Variants in BRF1 observed in about 807,000 individuals in gnomAD.
BRF1 encodes the protein BRF1 general transcription factor IIIB subunit, also known as transcription factor IIIB 90 kDa subunit.
A neutral mutation model predicts 81.7 loss-of-function variants in BRF1; 59 were observed. The observed-to-expected ratio is 0.72, with a 90% confidence interval of 0.59 to 0.90. The LOEUF is 0.90. Among genes scored for constraint, BRF1 ranks in the 40% least tolerant of loss-of-function variants. The probability of loss-of-function intolerance (pLI) is 0.00; values close to 1 mark genes in which losing one functional copy is unlikely to be tolerated. For missense variants in BRF1, 1,050 were observed against 936.3 expected, an observed-to-expected ratio of 1.12 and a Z score of -1.58; for synonymous variants, 491 against 395.6, an observed-to-expected ratio of 1.24 and a Z score of -2.86.
chr14:105,214,641 G>A (rs1469841922), intron 15 of BRF1, among the ~76,000 whole-genome samples: 1 of 152,060 alleles, frequency 6.6e-6, no homozygotes, highest in Non-Finnish European at 1.5e-5. Flanking sequence ...AGGGAGATGG[G>A]CTAGGCAGCC....
chr14:105,292,805 G>A (rs4270098), intron 1 of BRF1, among the ~76,000 whole-genome samples: 5,431 of 151,786 alleles, frequency 0.036, 179 homozygotes, highest in African/African-American at 0.086. Flanking sequence ...CCCCTTCCCA[G>A]GCACAGACCC....
Position 105,226,287 on chromosome 14 carries a change from C to T in BRF1, c.919G>A (p.Glu307Lys). Residue 307 changes from glutamate (E) to lysine (K), a missense_variant, in exon 9 of 18, where the codon GAA (glutamate) becomes AAA (lysine). Transcript: ENST00000547530. The stretch of plus-strand genomic sequence containing the variant: ...TCCAGTTTTTTTGACAGGACTTGTT[C>T]AAGCTGAAAGGGAACAGGGCAAGAG... ...GQRKLRMKQL[E>K]QVLSKKLEEV... 6.2e-7 allele frequency: 1 copy of T among 1,614,046 alleles called. No homozygotes were observed. The highest frequency in any genetic ancestry group is 1.3e-5 in the African/African-American group (1 of 75,064).
chr14:105,299,601 G>A (rs2057897020), intron 1 of BRF1, among the ~76,000 whole-genome samples: 1 of 152,022 alleles, frequency 6.6e-6, no homozygotes, highest in African/African-American at 2.4e-5. Context: ...TAAGACTTGA[G>A]CACACATTTC....
At chr14:105,241,149 A>G (rs1332763359) in intron 6 of BRF1, 116 bp downstream of exon 6, 1 of 1,486,712 alleles carries the variant, frequency 6.7e-7, no homozygotes, top group Non-Finnish European at 9.0e-7. Context: ...GGGAGGCTGG[A>G]GGCAGCTCTC....
At chr14:105,256,633 G>A in intron 3 of BRF1, 84 bp from the exon 4 acceptor site, 1 of 1,561,752 alleles carries the variant, frequency 6.4e-7, no homozygotes, top group Non-Finnish European at 8.7e-7. Flanking sequence ...CCGCAGGACT[G>A]CACCTGCAGG....
intron 3 of BRF1, among the ~76,000 whole-genome samples, chr14:105,267,545 C>G (rs1351735836): frequency 6.6e-6 from 1 of 152,068 alleles, no homozygotes; most frequent in East Asian, 1.9e-4. Flanking sequence ...CTCCTGGACT[C>G]AAGCAATCCT....
intron 2 of BRF1, among the ~76,000 whole-genome samples, chr14:105,280,597 T>A (rs1353677089): frequency 6.6e-6 from 1 of 151,824 alleles, no homozygotes; most frequent in Non-Finnish European, 1.5e-5. Context: ...GGAGGCTGCA[T>A]GATCCTGAGC....
rs587673251 is a variant in BRF1, at chr14:105,284,074, G to C, written c.265+2222C>G. ...ATGCACACTCTCGGTGGCAGACACA[G>C]AGAACCAGCCAGTGGAGAGGAAGAG... On this transcript the variant is annotated intron_variant, in intron 2 of 17. Transcript: ENST00000547530. This position sits in a 1 kb window ranked among gnomAD's most constrained non-coding sequence, Gnocchi z 4.0. 2.2e-4 allele frequency among the ~76,000 whole-genome samples: 34 copies of C among 151,492 alleles called. No individual in the cohort carries two copies. The highest frequency in any genetic ancestry group is 8.2e-4 in the African/African-American group (34 of 41,276).
intron 5 of BRF1, chr14:105,241,925 C>G (rs949172706): frequency 5.5e-6 from 1 of 181,882 alleles, no homozygotes; most frequent in African/African-American, 2.3e-5. Flanking sequence ...TGGCGCTGTG[C>G]ACCTCTGCCA....
chr14:105,255,180 G>T (rs993446998), intron 4 of BRF1, among the ~76,000 whole-genome samples: 3 of 152,252 alleles, frequency 2.0e-5, no homozygotes, highest in African/African-American at 7.2e-5. Context: ...CGGAGCAGCT[G>T]CCCTGGCCCT....
At chr14:105,313,758 C>G (rs888625214) in intron 1 of BRF1, among the ~76,000 whole-genome samples, 1 of 152,252 alleles carries the variant, frequency 6.6e-6, no homozygotes, top group Admixed American at 6.5e-5. Flanking sequence ...AACTGTGAAA[C>G]AAGGAAACAG....
chr14:105,248,682 G>A (rs1014616687), intron 5 of BRF1: 246 of 981,978 alleles, frequency 2.5e-4, no homozygotes, highest in Non-Finnish European at 2.6e-4. Flanking sequence ...GCGGGTGGCA[G>A]CCCCGCGGGT....
intron 1 of BRF1, among the ~76,000 whole-genome samples, chr14:105,312,807 A>C (rs974100552): frequency 1.3e-5 from 2 of 152,188 alleles, no homozygotes; most frequent in Non-Finnish European, 2.9e-5. Flanking sequence ...AAACAAACAT[A>C]AACGTGGTCG....
intron 5 of BRF1, among the ~76,000 whole-genome samples, chr14:105,244,878 G>T (rs926741884): frequency 6.6e-6 from 1 of 151,264 alleles, no homozygotes; most frequent in African/African-American, 2.4e-5. Flanking sequence ...GACCAGGTAT[G>T]ATAGAACAAA....
intron 3 of BRF1, among the ~76,000 whole-genome samples, chr14:105,264,011 G>A (rs755947510): frequency 1.1e-4 from 17 of 151,656 alleles, no homozygotes; most frequent in East Asian, 1.9e-4. Context: ...ATATTCCAGC[G>A]ATTCAATGAA....
At chr14:105,248,920 C>A in intron 5 of BRF1, 1 of 986,736 alleles carries the variant, frequency 1.0e-6, no homozygotes, top group South Asian at 4.5e-5. Context: ...GCGGACCTAG[C>A]CAACAGCAAC....
At position 105,226,243 on chromosome 14, in the gene BRF1, T is replaced by C; in HGVS notation, c.955+8A>G. On this transcript the variant is annotated splice_region_variant and intron_variant, in intron 9 of 17. Coordinates refer to ENST00000547530, the MANE Select transcript of BRF1 (RefSeq NM_001519.4). ...CAGAAGCATTACATGGGAAGATTGG[T>C]TGGTTACCTTCAACCTCCTCCAGTT... 6.2e-7 allele frequency: 1 copy of C among 1,614,068 alleles called. No individual in the cohort carries two copies. The highest frequency in any genetic ancestry group is 2.2e-5 in the East Asian group (1 of 44,884).
intron 7 of BRF1, 143 bp from the exon 8 acceptor site, chr14:105,226,903 C>A: frequency 8.7e-7 from 1 of 1,148,212 alleles, no homozygotes. Flanking sequence ...GAGTCCAAGA[C>A]TTTGAGACCA....
chr14:105,244,699 G>A (rs1431015027), intron 5 of BRF1, among the ~76,000 whole-genome samples: 1 of 151,970 alleles, frequency 6.6e-6, no homozygotes, highest in Non-Finnish European at 1.5e-5. Flanking sequence ...CACAATAATA[G>A]GGGATTTTAA....
Sources: allele counts gnomAD v4.1 joint callset (sites outside exome capture counted in the v4.1 genomes callset), GRCh38; gene constraint gnomAD v4.1.1; non-coding constraint Gnocchi (gnomAD v3.1); transcripts MANE v1.5; gene names NCBI Gene and HGNC (gene_info 2026-07-23, HGNC 2026-07-21).